Variants in F13A1 observed in about 807,000 individuals in gnomAD.
F13A1 encodes FSF, A subunit.
A neutral mutation model predicts 80.1 loss-of-function variants in F13A1; 47 were observed. The observed-to-expected ratio is 0.59, with a 90% CI of 0.46 to 0.75. The LOEUF (loss-of-function observed/expected upper bound fraction) is 0.75, where lower values mean the gene tolerates loss of function less well. F13A1 is among the 30% of genes least tolerant of loss of function. The probability of loss-of-function intolerance (pLI) is 0.00; values close to 1 mark genes in which losing one functional copy is unlikely to be tolerated. For missense variants in F13A1, 817 were observed against 930.4 expected (o/e 0.88, Z 1.59); for synonymous variants, 349 against 344.9 (o/e 1.01, Z -0.13).
At chr6:6,300,252 A>G (rs915654410) in intron 3 of F13A1, among the ~76,000 whole-genome samples, 1 of 148,152 alleles carries the variant, frequency 6.7e-6, no homozygotes, top group Non-Finnish European at 1.5e-5. Context: ...GGCCTCCTTG[A>G]GCTGTGGTGG....
chr6:6,173,398 T>A, intron 12 of F13A1, among the ~76,000 whole-genome samples: 1 of 104,238 alleles, frequency 9.6e-6, no homozygotes. Context: ...GTTTCCAGCC[T>A]CCATTCTTTT....
intron 6 of F13A1, among the ~76,000 whole-genome samples, chr6:6,227,298 G>A (rs184383550): frequency 6.6e-6 from 1 of 152,156 alleles, no homozygotes; most frequent in Non-Finnish European, 1.5e-5. Context: ...TCTGTGTCCA[G>A]TCAGGTTAAA....
At chr6:6,165,988 A>G (rs763514809) in intron 13 of F13A1, among the ~76,000 whole-genome samples, 2 of 152,250 alleles carry the variant, frequency 1.3e-5, no homozygotes, top group African/African-American at 2.4e-5. Context: ...TGGGCATTAC[A>G]TGCCCGTGAG....
At chr6:6,274,166 G>T (rs1320793548) in intron 3 of F13A1, among the ~76,000 whole-genome samples, 1 of 152,182 alleles carries the variant, frequency 6.6e-6, no homozygotes, top group Non-Finnish European at 1.5e-5. Flanking sequence ...ATGGAGTTTT[G>T]TTTAACTTTG....
chr6:6,192,400 G>A (rs1317183433), intron 10 of F13A1, among the ~76,000 whole-genome samples: 1 of 152,180 alleles, frequency 6.6e-6, no homozygotes, highest in Non-Finnish European at 1.5e-5. Flanking sequence ...GTGTTGTACA[G>A]AGCTCAGAGG....
intron 8 of F13A1, among the ~76,000 whole-genome samples, chr6:6,212,373 T>TGACCCCC (rs1761633609): frequency 6.6e-6 from 1 of 152,162 alleles, no homozygotes; most frequent in Non-Finnish European, 1.5e-5. Flanking sequence ...CCCTGACCCC[T>TGACCCCC]GACCCCCAAG....
intron 3 of F13A1, among the ~76,000 whole-genome samples, chr6:6,304,860 C>CAAAAAAAAAA (rs10719492): frequency 1.9e-5 from 2 of 103,242 alleles, no homozygotes; most frequent in African/African-American, 7.9e-5. Flanking sequence ...GACTCTGTCT[C>CAAAAAAAAAA]AAAAAAAAAA....
intron 4 of F13A1, 73 bp downstream of exon 4, chr6:6,266,485 T>A (rs1192744116): frequency 1.2e-5 from 19 of 1,611,084 alleles, no homozygotes; most frequent in Non-Finnish European, 1.4e-5. Flanking sequence ...GAGCTGGGAG[T>A]ATAGGCATGT....
intron 3 of F13A1, among the ~76,000 whole-genome samples, chr6:6,283,980 T>C (rs1001842873): frequency 3.3e-5 from 5 of 152,082 alleles, no homozygotes; most frequent in Non-Finnish European, 7.4e-5. Context: ...TCGCAAGGGG[T>C]TACTTAGTGA....
At chr6:6,179,495 C>T (rs1392708953) in intron 11 of F13A1, among the ~76,000 whole-genome samples, 1 of 152,132 alleles carries the variant, frequency 6.6e-6, no homozygotes, top group Non-Finnish European at 1.5e-5. Context: ...CGGTGAGAAT[C>T]AGGGTGGTAA....
intron 2 of F13A1, among the ~76,000 whole-genome samples, chr6:6,311,248 T>G (rs986304482): frequency 6.6e-6 from 1 of 152,174 alleles, no homozygotes; most frequent in African/African-American, 2.4e-5. Flanking sequence ...GTAGAGTTGA[T>G]CATTCATTTC....
At chr6:6,195,430 A>C (rs1252177755) in intron 10 of F13A1, among the ~76,000 whole-genome samples, 1 of 152,228 alleles carries the variant, frequency 6.6e-6, no homozygotes, top group African/African-American at 2.4e-5. Flanking sequence ...CCCAGAGGGA[A>C]GTGGCATGTC....
intron 9 of F13A1, 76 bp from the exon 10 acceptor site, chr6:6,195,961 T>TGAGGGTGACTCTGTAA: frequency 7.7e-7 from 1 of 1,301,150 alleles, no homozygotes; most frequent in Non-Finnish European, 1.1e-6. Context: ...TTCATGGCAC[T>TGAGGGTGACTCTGTAA]GAGGGTGACT....
intron 4 of F13A1, among the ~76,000 whole-genome samples, chr6:6,252,483 T>C (rs1325855657): frequency 1.3e-5 from 2 of 152,106 alleles, no homozygotes; most frequent in Non-Finnish European, 2.9e-5. Context: ...GGTAAAATAA[T>C]ATGATTACTA....
chr6:6,164,235 C>T (rs1583050233), intron 13 of F13A1, among the ~76,000 whole-genome samples: 1 of 152,018 alleles, frequency 6.6e-6, no homozygotes, highest in African/African-American at 2.4e-5. Flanking sequence ...AATGCAGGAA[C>T]AGAAAACGTA....
intron 2 of F13A1, among the ~76,000 whole-genome samples, chr6:6,307,551 G>GT (rs1211406190): frequency 1.8e-4 from 27 of 151,404 alleles, no homozygotes; most frequent in East Asian, 5.8e-4. Flanking sequence ...GGGCTTTAAA[G>GT]TTTTTTTTTT....
At chr6:6,272,019 G>T (rs1757928151) in intron 3 of F13A1, among the ~76,000 whole-genome samples, 2 of 152,110 alleles carry the variant, frequency 1.3e-5, no homozygotes, top group Non-Finnish European at 1.5e-5. Context: ...CTTGATATTA[G>T]TATTCTTCAC....
intron 10 of F13A1, among the ~76,000 whole-genome samples, chr6:6,188,128 G>T (rs1349317070): frequency 1.3e-5 from 2 of 151,706 alleles, no homozygotes; most frequent in Non-Finnish European, 2.9e-5. Context: ...TTCTTTATTG[G>T]TCTTGCTTGC....
chr6:6,185,206 T>C (rs1483512483), intron 10 of F13A1, among the ~76,000 whole-genome samples: 1 of 151,604 alleles, frequency 6.6e-6, no homozygotes, highest in Non-Finnish European at 1.5e-5. Context: ...TGTATACATG[T>C]GCCATGCTGG....
Sources: allele counts gnomAD v4.1 joint callset (sites outside exome capture counted in the v4.1 genomes callset), GRCh38; gene constraint gnomAD v4.1.1; transcripts MANE v1.5; gene names NCBI Gene and HGNC (gene_info 2026-07-23, HGNC 2026-07-21).